KLF15: variants seen among roughly 807,000 people sequenced by gnomAD.
KLF15 encodes the protein KLF transcription factor 15, also known as Krueppel-like factor 15.
A neutral mutation model predicts 24.6 loss-of-function variants in KLF15; 4 were observed. That is an observed-to-expected ratio of 0.16 (90% CI 0.08 to 0.37). KLF15 has a LOEUF of 0.37. Ranked by LOEUF, KLF15 falls within the 10% of genes least tolerant of loss-of-function variation. KLF15 has a pLI of 1.00. For synonymous variants in KLF15, 246 were observed against 236.3 expected (o/e 1.04, Z -0.37); for missense variants, 496 against 560.6 (o/e 0.88, Z 1.16).
At chr3:126,329,661 T>A in the KLF15 span, among the ~76,000 whole-genome samples, 1 of 152,218 alleles carries the variant, frequency 6.6e-6, no homozygotes, top group South Asian at 2.1e-4. Flanking sequence ...CAAGTCCCAT[T>A]TTTTAAAATC....
chr3:126,299,427 A>G, the KLF15 span, among the ~76,000 whole-genome samples: 1 of 151,956 alleles, frequency 6.6e-6, no homozygotes, highest in Non-Finnish European at 1.5e-5. Flanking sequence ...GGTTAGCCCT[A>G]ATCTGGTATG....
chr3:126,343,762 G>A lies in KLF15; in HGVS notation c.1216C>T (p.Pro406Ser). The A allele has an allele frequency of 2.5e-6, 4 of 1,611,860 alleles. No homozygotes were observed. Among genetic ancestry groups the A allele is most frequent in the Non-Finnish European group, 1.7e-6 (2 of 1,179,852 alleles). ...GAGCGCACGGAGCGGCTGCTCCGCG[G>A]GAAGCGGTGCACCTTGATGTGCTTG... is the stretch of plus-strand genomic sequence containing the variant. ...LSKHIKVHRF[P>S]RSSRSVRSVN Residue 406 changes from proline (P) to serine (S), a missense_variant, in exon 3 of 3, where the codon CCG becomes TCG. Physicochemically the swap from Pro to Ser is moderately conservative, Grantham distance 74 (BLOSUM62 -1). Around this residue, in one of 3 missense-constraint regions of KLF15, gnomAD observed 38 missense variants for 31.5 expected, o/e 1.21. Transcript: ENST00000296233.
At chr3:126,314,904 C>T in the KLF15 span, among the ~76,000 whole-genome samples, 1 of 152,210 alleles carries the variant, frequency 6.6e-6, no homozygotes, top group African/African-American at 2.4e-5. Flanking sequence ...AGATACAGAC[C>T]TTGCATAGAG....
chr3:126,328,288 C>A, the KLF15 span, among the ~76,000 whole-genome samples: 2 of 152,170 alleles, frequency 1.3e-5, no homozygotes, highest in South Asian at 2.1e-4. Context: ...GAGTAGTATT[C>A]CATCATATAT....
At chr3:126,338,109 T>G (rs1352918029), downstream of KLF15, among the ~76,000 whole-genome samples, 1 of 152,214 alleles carries the variant, frequency 6.6e-6, no homozygotes, top group Non-Finnish European at 1.5e-5. Flanking sequence ...GGTAGCTTTG[T>G]GCAGGGCATC....
chr3:126,323,473 T>TA, the KLF15 span, among the ~76,000 whole-genome samples: 8 of 64,616 alleles, frequency 1.2e-4, no homozygotes, highest in African/African-American at 6.3e-4. Flanking sequence ...CATATATATG[T>TA]TATATATATA....
At chr3:126,293,039 G>T in the KLF15 span, among the ~76,000 whole-genome samples, 1 of 151,904 alleles carries the variant, frequency 6.6e-6, no homozygotes, top group Non-Finnish European at 1.5e-5. Flanking sequence ...GCCAGGGGCG[G>T]TGGCTCATGC....
the KLF15 span, among the ~76,000 whole-genome samples, chr3:126,304,421 G>A: frequency 2.6e-5 from 4 of 152,142 alleles, no homozygotes; most frequent in Non-Finnish European, 5.9e-5. Context: ...TCAGCCCCAG[G>A]CATTGTTCCC....
chr3:126,316,536 T>TGGGCCCGAGTAGGGGAGGGAGTACAC, the KLF15 span, among the ~76,000 whole-genome samples: 2 of 112,182 alleles, frequency 1.8e-5, no homozygotes, highest in Admixed American at 1.8e-4. Context: ...AGGGAGTACA[T>TGGGCCCGAGTAGGGGAGGGAGTACAC]GGGCCGGAGT....
chr3:126,353,080 C>T (rs978462397), intron 1 of KLF15, 133 bp from the exon 2 acceptor site: 1 of 1,046,352 alleles, frequency 9.6e-7, no homozygotes, highest in African/African-American at 1.6e-5. Flanking sequence ...GCTTCCATCC[C>T]CCAGGAGAGC....
chr3:126,323,918 C>T, the KLF15 span, among the ~76,000 whole-genome samples: 1 of 151,640 alleles, frequency 6.6e-6, no homozygotes, highest in Non-Finnish European at 1.5e-5. Context: ...TTTATGGCTG[C>T]ACAGTATTCC....
chr3:126,291,982 G>A, the KLF15 span, among the ~76,000 whole-genome samples: 2 of 152,168 alleles, frequency 1.3e-5, no homozygotes, highest in Non-Finnish European at 2.9e-5. Flanking sequence ...CTGCCATCAC[G>A]GCTCGCCTAA....
In KLF15 at chr3:126,357,132, C is replaced by G. The variant is rs1299619933; in HGVS notation, c.-26+105G>C. On this transcript the variant is annotated intron_variant, in intron 1 of 2. Coordinates refer to ENST00000296233, the MANE Select transcript of KLF15 (RefSeq NM_014079.4). ...TCCTCCAGCACTCGCGCGGTGCCTC[C>G]GAGAGCTGCGCGGGAGCACGGCCAC... is the stretch of plus-strand genomic sequence containing the variant. 10 of 151,660 alleles carry G rather than the reference C, an allele frequency of 6.6e-5. No homozygotes were observed. The East Asian group carries it at 2.0e-3, about 30-fold the overall frequency. 9.4% of individuals were successfully genotyped at this position (151,660 alleles called of 1,614,324 possible).
chr3:126,316,103 G>A, the KLF15 span, among the ~76,000 whole-genome samples: 4 of 152,116 alleles, frequency 2.6e-5, no homozygotes, highest in African/African-American at 9.7e-5. Context: ...AAATAATTGC[G>A]GCAGAGACCA....
chr3:126,343,136 C>T lies in KLF15; in HGVS notation c.*591G>A, dbSNP rs2082492443. 1 of 102,918 alleles carries T rather than the reference C, an allele frequency of 9.7e-6. No individual in the cohort carries two copies. Among genetic ancestry groups the T allele is most frequent in the South Asian group, 4.1e-4 (1 of 2,434 alleles). The allele number at this position is 102,918 out of a possible 1,614,324, so 6.4% of individuals were successfully genotyped here. On this transcript the variant is annotated 3_prime_UTR_variant, in exon 3 of 3. Transcript: ENST00000296233. The stretch of plus-strand genomic sequence containing the variant: ...TTTCACCTCTCTCCCACATGAGGGC[C>T]CAGCGGCCCGGTCCTGCCCCCCCCC...
At chr3:126,296,557 C>G in the KLF15 span, among the ~76,000 whole-genome samples, 1 of 152,216 alleles carries the variant, frequency 6.6e-6, no homozygotes, top group Admixed American at 6.5e-5. Context: ...AATTTAGATG[C>G]CTTGTCTTTT....
intron 1 of KLF15, 117 bp from the exon 2 acceptor site, chr3:126,353,064 G>A (rs2082600465): frequency 1.7e-6 from 2 of 1,194,682 alleles, no homozygotes; most frequent in Non-Finnish European, 2.3e-6. Context: ...CAAACGCCTG[G>A]ATCCTGCTTC....
chr3:126,310,306 C>T, the KLF15 span, among the ~76,000 whole-genome samples: 1 of 152,228 alleles, frequency 6.6e-6, no homozygotes, highest in Non-Finnish European at 1.5e-5. Context: ...GCCCAAGCTC[C>T]AGGCAGCCCT....
downstream of KLF15, among the ~76,000 whole-genome samples, chr3:126,337,844 T>G (rs2082450136): frequency 6.6e-6 from 1 of 152,216 alleles, no homozygotes; most frequent in Admixed American, 6.5e-5. Flanking sequence ...TAAATTCTTC[T>G]GTTTGTTTAA....
Sources: allele counts gnomAD v4.1 joint callset (sites outside exome capture counted in the v4.1 genomes callset), GRCh38; gene constraint gnomAD v4.1.1; regional missense constraint gnomAD v4.1.1; transcripts MANE v1.5; gene names NCBI Gene and HGNC (gene_info 2026-07-23, HGNC 2026-07-21).